Variants in EMID1 observed in about 807,000 individuals in gnomAD.
EMID1 encodes the protein EMI domain containing 1.
A neutral mutation model predicts 60.6 loss-of-function variants in EMID1; 40 were observed. The observed-to-expected ratio is 0.66, with a 90% CI of 0.51 to 0.86. The LOEUF (loss-of-function observed/expected upper bound fraction) is 0.86. EMID1 is among the 40% of genes least tolerant of loss of function. The probability of loss-of-function intolerance (pLI) is 0.00; values close to 1 mark genes in which losing one functional copy is unlikely to be tolerated. For missense variants in EMID1, 585 were observed against 597.1 expected (o/e 0.98, Z 0.21); for synonymous variants, 242 against 231.0 (o/e 1.05, Z -0.43).
In EMID1 at chr22:29,258,746, A is replaced by G. The variant is rs547394615; in HGVS notation, c.1205-71A>G. 255 of 1,572,418 alleles carry G rather than the reference A, an allele frequency of 1.6e-4. 1 individual carries two copies. The African/African-American group carries it at 3.1e-3, about 19-fold the overall frequency. On this transcript the variant is annotated intron_variant, in intron 14 of 14. Coordinates refer to ENST00000334018, the MANE Select transcript of EMID1 (RefSeq NM_133455.4). Reference sequence around the variant, plus strand: ...CGTGCCCGGTTCTGCCACCCCCTAGAGGGCCAAGGGGAGGTGGGCACCTCA... The same window carrying G: ...CGTGCCCGGTTCTGCCACCCCCTAGGGGGCCAAGGGGAGGTGGGCACCTCA...
chr22:29,213,158 T>G (rs2039956908), intron 1 of EMID1, among the ~76,000 whole-genome samples: 1 of 152,244 alleles, frequency 6.6e-6, no homozygotes, highest in Non-Finnish European at 1.5e-5. Context: ...TTGGTCTTTG[T>G]CTGCTTTTTT....
intron 13 of EMID1, among the ~76,000 whole-genome samples, chr22:29,246,498 C>T (rs934684941): frequency 6.6e-6 from 1 of 152,148 alleles, no homozygotes; most frequent in Non-Finnish European, 1.5e-5. Flanking sequence ...TGAGGACAGA[C>T]AGCCGTCGAT....
chr22:29,241,448 G>A (rs2041150608), intron 12 of EMID1, among the ~76,000 whole-genome samples: 1 of 152,158 alleles, frequency 6.6e-6, no homozygotes, highest in Admixed American at 6.5e-5. Context: ...GAGTGCAATG[G>A]TGTGATCTCG....
At chr22:29,211,759 T>A (rs2039893244) in intron 1 of EMID1, among the ~76,000 whole-genome samples, 1 of 152,264 alleles carries the variant, frequency 6.6e-6, no homozygotes, top group Non-Finnish European at 1.5e-5. Context: ...AGCTTCCGAC[T>A]GTCCTCTGCC....
chr22:29,237,260 C>A (rs1186129259), intron 12 of EMID1, among the ~76,000 whole-genome samples: 4 of 143,734 alleles, frequency 2.8e-5, no homozygotes, highest in Middle Eastern at 3.5e-3. Flanking sequence ...TCTGCTACTG[C>A]AACCTCTGCC....
At chr22:29,216,455 A>T (rs2040085537) in intron 3 of EMID1, 1 of 985,350 alleles carries the variant, frequency 1.0e-6, no homozygotes, top group Admixed American at 6.1e-5. Context: ...GCTGGCCCAG[A>T]ACCATCCTGA....
At chr22:29,207,079 G>A (rs1030149546) in intron 1 of EMID1, among the ~76,000 whole-genome samples, 3 of 152,294 alleles carry the variant, frequency 2.0e-5, no homozygotes, top group East Asian at 1.9e-4. Context: ...AAAGGCCTGC[G>A]CGGCCCCCAC....
At position 29,215,054 on chromosome 22, in the gene EMID1, G is replaced by A. The variant is rs778278499; in HGVS notation, c.215+15G>A. ...CCGGGGAGCAGGTAAATGAGGTGGA[G>A]AAGGAACTGATGGCATTCCAGGTGG... On this transcript the variant is annotated intron_variant, in intron 2 of 14. Transcript: ENST00000334018. 1 of 1,524,394 alleles carries A rather than the reference G, an allele frequency of 6.6e-7. No homozygotes were observed. Among genetic ancestry groups the A allele is most frequent in the South Asian group, 1.2e-5 (1 of 81,022 alleles). The allele number at this position is 1,524,394 out of a possible 1,614,324, so 94.4% of individuals were successfully genotyped here. A position where few individuals can be genotyped will look rare whatever the true frequency, so the allele number is the denominator to read the frequency against.
At chr22:29,224,843 C>T (rs550902728) in intron 3 of EMID1, among the ~76,000 whole-genome samples, 11 of 152,288 alleles carry the variant, frequency 7.2e-5, no homozygotes, top group African/African-American at 1.2e-4. Context: ...CTTGTCTGAG[C>T]GCTAACCTCT....
At chr22:29,224,442 GC>G (rs2040421473) in intron 3 of EMID1, among the ~76,000 whole-genome samples, 1 of 152,136 alleles carries the variant, frequency 6.6e-6, no homozygotes, top group African/African-American at 2.4e-5. Context: ...AACCAGACCA[GC>G]CAGGGCGGCT....
intron 10 of EMID1, 57 bp from the exon 11 acceptor site, chr22:29,234,080 C>A: frequency 6.5e-7 from 1 of 1,547,242 alleles, no homozygotes; most frequent in East Asian, 2.4e-5. Context: ...TGTTCCCAAG[C>A]CCCTGCCCAC....
At chr22:29,255,597 A>G (rs1285665702) in intron 14 of EMID1, 1 of 392,348 alleles carries the variant, frequency 2.5e-6, no homozygotes, top group Non-Finnish European at 4.6e-6. Context: ...GATAAGACAG[A>G]CACAGTCCTG....
chr22:29,214,266 C>T (rs1334343490), intron 1 of EMID1, among the ~76,000 whole-genome samples: 1 of 152,144 alleles, frequency 6.6e-6, no homozygotes, highest in Non-Finnish European at 1.5e-5. Flanking sequence ...CTGCGGGAGC[C>T]AGGGCAGGGC....
At chr22:29,215,809 T>A (rs2040060960) in intron 3 of EMID1, among the ~76,000 whole-genome samples, 179 bp downstream of exon 3, 1 of 152,048 alleles carries the variant, frequency 6.6e-6, no homozygotes, top group African/African-American at 2.4e-5. Context: ...CCCCCCACGG[T>A]GACCGCTTGC....
rs116586033 is a variant in EMID1 at position 29,231,955 on chromosome 22, C to G, written c.676+273C>G. On this transcript the variant is annotated intron_variant, in intron 7 of 14. Coordinates refer to ENST00000334018, the MANE Select transcript of EMID1 (RefSeq NM_133455.4). ...ACATGTCCCTGCCCTTCTGGAGCTTCCATGCTGCTGGGAGCAGGGCTGGGC... is the reference window on the plus strand; with the variant it reads ...ACATGTCCCTGCCCTTCTGGAGCTTGCATGCTGCTGGGAGCAGGGCTGGGC... 2,370 of 572,818 alleles carry G rather than the reference C, an allele frequency of 4.1e-3. 45 individuals are homozygous for G. Among genetic ancestry groups the G allele is most frequent in the African/African-American group, 0.04 (2,105 of 53,148 alleles). The allele number at this position is 572,818 out of a possible 1,614,324, so 35.5% of individuals were successfully genotyped here.
At chr22:29,223,546 C>T (rs2040381820) in intron 3 of EMID1, among the ~76,000 whole-genome samples, 1 of 152,242 alleles carries the variant, frequency 6.6e-6, no homozygotes, top group South Asian at 2.1e-4. Context: ...CAGGTGCCCC[C>T]CACCTCCACC....
intron 13 of EMID1, among the ~76,000 whole-genome samples, chr22:29,249,580 T>C (rs1320933018): frequency 1.4e-5 from 2 of 143,588 alleles, no homozygotes; most frequent in East Asian, 2.0e-4. Context: ...ACCCCCAAAA[T>C]ACCTTTATTA....
chr22:29,213,917 G>C (rs2039986392), intron 1 of EMID1, among the ~76,000 whole-genome samples: 1 of 152,172 alleles, frequency 6.6e-6, no homozygotes, highest in Admixed American at 6.5e-5. Context: ...GTTCAAATCT[G>C]GCTTCTCCAC....
At chr22:29,232,458 C>T in intron 8 of EMID1, 56 bp downstream of exon 8, 1 of 1,479,692 alleles carries the variant, frequency 6.8e-7, no homozygotes, top group Non-Finnish European at 9.0e-7. Context: ...GCCATCAGCA[C>T]AGTGCCCGCT....
Sources: gnomAD v4.1 joint callset for allele counts (sites outside exome capture counted in the v4.1 genomes callset) on GRCh38, gnomAD v4.1.1 for gene constraint, MANE v1.5 for transcripts, NCBI Gene and HGNC (gene_info 2026-07-23, HGNC 2026-07-21) for gene names.